Variants in FBLN1 observed in about 807,000 individuals in gnomAD.
The protein encoded by FBLN1 is fibulin 1.
Under a neutral mutation model 89.7 loss-of-function variants are expected in FBLN1, and 34 were observed. The ratio of observed to expected loss-of-function variants is 0.38; its 90% CI spans 0.29 to 0.50. FBLN1 has a LOEUF of 0.50. Among genes scored for constraint, FBLN1 ranks in the 20% least tolerant of loss-of-function variants. The pLI, the probability that FBLN1 is intolerant of heterozygous loss-of-function variation, is 0.92. For synonymous variants in FBLN1, 393 were observed against 391.3 expected, an observed-to-expected ratio of 1.00 and a Z score of -0.05; for missense variants, 777 against 988.1, an observed-to-expected ratio of 0.79 and a Z score of 2.86.
chr22:45,507,447 G>T (rs2088037276), intron 1 of FBLN1, among the ~76,000 whole-genome samples: 1 of 152,202 alleles, frequency 6.6e-6, no homozygotes, highest in African/African-American at 2.4e-5. Flanking sequence ...TAGGTGAAAT[G>T]CTTTACATTT....
At chr22:45,522,967 A>G (rs1294462904) in intron 2 of FBLN1, 8 of 522,382 alleles carry the variant, frequency 1.5e-5, no homozygotes, top group Admixed American at 3.1e-5. Context: ...GCGGCATTCT[A>G]TAGGGGATGC....
chr22:45,575,545 G>C lies in FBLN1; in HGVS notation c.1840+892G>C, dbSNP rs2088989788. Among the ~76,000 whole-genome samples, 2 of 152,142 alleles carry C rather than the reference G, an allele frequency of 1.3e-5. No homozygotes were observed. Among genetic ancestry groups the C allele is most frequent in the Non-Finnish European group, 2.9e-5 (2 of 68,026 alleles). The stretch of plus-strand genomic sequence containing the variant: ...CGGAAGGTTGCAGTGGAGGAGGTTT[G>C]CATATAGAAACATCATCCTGTTGAT... On this transcript the variant is annotated intron_variant, in intron 15 of 16. Transcript: ENST00000327858. This position sits in a 1 kb window ranked among gnomAD's most constrained non-coding sequence, Gnocchi z 6.3.
At chr22:45,564,962 G>A (rs2088889515) in intron 14 of FBLN1, 1 of 1,614,130 alleles carries the variant, frequency 6.2e-7, no homozygotes, top group Middle Eastern at 1.7e-4. Flanking sequence ...CATGGAAGCA[G>A]GGGTTGGAGG....
intron 1 of FBLN1, among the ~76,000 whole-genome samples, chr22:45,508,386 C>T (rs1212851820): frequency 1.3e-5 from 2 of 151,574 alleles, no homozygotes; most frequent in Non-Finnish European, 2.9e-5. Context: ...CTCAGCCTCC[C>T]AAGTAGCTGG....
intron 14 of FBLN1, among the ~76,000 whole-genome samples, chr22:45,554,432 T>C (rs919247311): frequency 2.0e-5 from 3 of 152,314 alleles, no homozygotes; most frequent in African/African-American, 7.2e-5. Flanking sequence ...CTGCCTCTGT[T>C]TTGGGCCCCT....
intron 1 of FBLN1, among the ~76,000 whole-genome samples, chr22:45,507,771 A>G (rs962063094): frequency 9.2e-5 from 14 of 151,940 alleles, no homozygotes; most frequent in African/African-American, 2.4e-4. Flanking sequence ...CAAGTGATCC[A>G]CCTGTCTCGG....
intron 2 of FBLN1, chr22:45,523,194 C>A: frequency 1.3e-6 from 1 of 777,720 alleles, no homozygotes; most frequent in Non-Finnish European, 2.4e-6. Flanking sequence ...CGCAAGAGCC[C>A]AGAGGAGAGG....
At chr22:45,516,839 A>G (rs1184550562) in intron 1 of FBLN1, among the ~76,000 whole-genome samples, 1 of 152,194 alleles carries the variant, frequency 6.6e-6, no homozygotes, top group Non-Finnish European at 1.5e-5. Context: ...CCTGGGGAAA[A>G]GGGAAAGCCC....
At position 45,550,603 on chromosome 22, in the gene FBLN1, G is replaced by A. The variant is rs146772136; in HGVS notation, c.1685G>A (p.Arg562His). 94 of 1,613,960 alleles carry A rather than the reference G, an allele frequency of 5.8e-5. No individual in the cohort carries two copies. The African/African-American group carries it at 6.0e-4, about 10-fold the overall frequency. ...LAFECPENYR[R>H]SAATLQQEKT... ...TTCGAGTGCCCTGAGAACTACCGCCGCTCCGCAGCCACGTAAGTCCCTTGG... is the reference window on the plus strand; with the variant it reads ...TTCGAGTGCCCTGAGAACTACCGCCACTCCGCAGCCACGTAAGTCCCTTGG... Residue 562 changes from arginine (R) to histidine (H), a missense_variant, in exon 14 of 17, where the codon CGC becomes CAC. Arg to His is a conservative substitution (Grantham distance 29). Coordinates refer to ENST00000327858, the MANE Select transcript of FBLN1 (RefSeq NM_006486.3). This position sits in a 1 kb window ranked among gnomAD's most constrained non-coding sequence, Gnocchi z 8.4.
Position 45,550,315 on chromosome 22 carries a change from C to T in FBLN1, c.1574-177C>T, listed in dbSNP as rs375876109. Among the ~76,000 whole-genome samples, 105 of 152,322 alleles carry T rather than the reference C, an allele frequency of 6.9e-4. No individual in the cohort carries two copies. Among genetic ancestry groups the T allele is most frequent in the African/African-American group, 2.5e-3 (104 of 41,574 alleles). ...TTAACACTCTATAAATGTAAATACCCTATAAATGTAAGAACTGGCACAGGA... is the reference window on the plus strand; with the variant it reads ...TTAACACTCTATAAATGTAAATACCTTATAAATGTAAGAACTGGCACAGGA... On this transcript the variant is annotated intron_variant, in intron 13 of 16. Coordinates refer to ENST00000327858, the MANE Select transcript of FBLN1 (RefSeq NM_006486.3). This position sits in a 1 kb window ranked among gnomAD's most constrained non-coding sequence, Gnocchi z 8.4.
chr22:45,577,709 G>A lies in FBLN1; in HGVS notation c.1972+601G>A, dbSNP rs1043591310. Among the ~76,000 whole-genome samples, 22 of 152,196 alleles carry A rather than the reference G, an allele frequency of 1.4e-4. No homozygotes were observed. The highest frequency in any genetic ancestry group is 4.8e-4 in the African/African-American group (20 of 41,442). Reference sequence around the variant, plus strand: ...CACTGCTCTTTCTCCCTGGAGATCCGGTGTTTGGGGAGCGTGAAGGGAGGC... The same window carrying A: ...CACTGCTCTTTCTCCCTGGAGATCCAGTGTTTGGGGAGCGTGAAGGGAGGC... On this transcript the variant is annotated intron_variant, in intron 16 of 16. Coordinates refer to ENST00000327858, the MANE Select transcript of FBLN1 (RefSeq NM_006486.3). This position sits in a 1 kb window ranked among gnomAD's most constrained non-coding sequence, Gnocchi z 6.6.
chr22:45,536,346 G>T lies in FBLN1; in HGVS notation c.922+1009G>T, dbSNP rs979524488. Among the ~76,000 whole-genome samples, 1 of 152,146 alleles carries T rather than the reference G, an allele frequency of 6.6e-6. No individual in the cohort carries two copies. The highest frequency in any genetic ancestry group is 6.5e-5 in the Admixed American group (1 of 15,280). On this transcript the variant is annotated intron_variant, in intron 8 of 16. Coordinates refer to ENST00000327858, the MANE Select transcript of FBLN1 (RefSeq NM_006486.3). This position sits in a 1 kb window ranked among gnomAD's most constrained non-coding sequence, Gnocchi z 5.1. ...AGATGAAAAAGTTCTGGAGATGGATGGGGGTGATGGTGGCACGACAGTGTG... is the reference window on the plus strand; with the variant it reads ...AGATGAAAAAGTTCTGGAGATGGATTGGGGTGATGGTGGCACGACAGTGTG...
rs1195352341 is a variant in FBLN1 at position 45,579,722 on chromosome 22, C to T, written c.1972+2614C>T. Among the ~76,000 whole-genome samples, 1 of 152,210 alleles carries T rather than the reference C, an allele frequency of 6.6e-6. No individual in the cohort carries two copies. Among genetic ancestry groups the T allele is most frequent in the African/African-American group, 2.4e-5 (1 of 41,458 alleles). On this transcript the variant is annotated intron_variant, in intron 16 of 16. Transcript: ENST00000327858. The surrounding 1 kb of genome is among the most constrained non-coding windows in gnomAD (Gnocchi z 5.5). ...GCCCTGCGTGTTGGGACCTAGGCTG[C>T]ATTGCTGGCTGGCTCCTGTCTCTGT...
At position 45,583,935 on chromosome 22, in the gene FBLN1, C is replaced by T. The variant is rs1030695608; in HGVS notation, c.1972+6827C>T. Reference sequence around the variant, plus strand: ...CAGGCAGGAGTTCCCTGAGGTCATGCGGTGGCGGATGGGGGTCACTTCTGC... The same window carrying T: ...CAGGCAGGAGTTCCCTGAGGTCATGTGGTGGCGGATGGGGGTCACTTCTGC... On this transcript the variant is annotated intron_variant, in intron 16 of 16. Transcript: ENST00000327858. This position sits in a 1 kb window ranked among gnomAD's most constrained non-coding sequence, Gnocchi z 4.5. Among the ~76,000 whole-genome samples the T allele has an allele frequency of 2.6e-5, 4 of 152,018 alleles. No individual in the cohort carries two copies. The highest frequency in any genetic ancestry group is 1.3e-4 in the Admixed American group (2 of 15,264).
intron 2 of FBLN1, among the ~76,000 whole-genome samples, chr22:45,522,216 G>T (rs1293342268): frequency 6.6e-6 from 1 of 152,142 alleles, no homozygotes; most frequent in Non-Finnish European, 1.5e-5. Context: ...CGAACTCCTG[G>T]CTTCAAGTGA....
chr22:45,585,327 G>C (rs551534331), intron 16 of FBLN1, among the ~76,000 whole-genome samples: 1 of 152,326 alleles, frequency 6.6e-6, no homozygotes, highest in East Asian at 1.9e-4. Flanking sequence ...GTCAAGGCTT[G>C]AGACCGTCCA....
chr22:45,591,621 G>A (rs1447925472), intron 16 of FBLN1, among the ~76,000 whole-genome samples: 3 of 152,104 alleles, frequency 2.0e-5, no homozygotes, highest in Admixed American at 6.5e-5. Flanking sequence ...CTTGCTTCCC[G>A]GCTTTTATGG....
rs2089199061 is a variant in FBLN1, at chr22:45,597,788, A to C, written c.1973-2519A>C. Among the ~76,000 whole-genome samples, 1 of 152,214 alleles carries C rather than the reference A, an allele frequency of 6.6e-6. No homozygotes were observed. Among genetic ancestry groups the C allele is most frequent in the Non-Finnish European group, 1.5e-5 (1 of 68,042 alleles). On this transcript the variant is annotated intron_variant, in intron 16 of 16. Coordinates refer to ENST00000327858, the MANE Select transcript of FBLN1 (RefSeq NM_006486.3). The surrounding 1 kb of genome is among the most constrained non-coding windows in gnomAD (Gnocchi z 4.2). ...TGACAGCCTGCAGAAGCCTGTGCTT[A>C]TCTCTCCATCGGAGCTAAAGCCCAT...
chr22:45,566,663 TC>T (rs1569259496), intron 14 of FBLN1, among the ~76,000 whole-genome samples: 3 of 152,288 alleles, frequency 2.0e-5, no homozygotes, highest in East Asian at 3.9e-4. Flanking sequence ...GAGTAAACAC[TC>T]CATAGGTGTG....
Sources: allele counts gnomAD v4.1 joint callset (sites outside exome capture counted in the v4.1 genomes callset), GRCh38; gene constraint gnomAD v4.1.1; non-coding constraint Gnocchi (gnomAD v3.1); transcripts MANE v1.5; gene names NCBI Gene and HGNC (gene_info 2026-07-23, HGNC 2026-07-21).